The following ATG2B variants were observed in gnomAD, a reference collection of about 807,000 sequenced individuals.
The protein encoded by ATG2B is autophagy-related protein 2 homolog B.
A neutral mutation model predicts 241.3 loss-of-function variants in ATG2B; 121 were observed. The ratio of observed to expected loss-of-function variants is 0.50; its 90% confidence interval spans 0.43 to 0.58. ATG2B has a LOEUF of 0.58. Ranked by LOEUF, ATG2B falls within the 20% of genes least tolerant of loss-of-function variation. The pLI, the probability that ATG2B is intolerant of heterozygous loss-of-function variation, is 0.00. For synonymous variants in ATG2B, 858 were observed against 876.6 expected (o/e 0.98, Z 0.37); for missense variants, 2,306 against 2,491.6 (o/e 0.93, Z 1.59).
At chr14:96,306,619 G>A in intron 30 of ATG2B, 95 bp downstream of exon 30, 2 of 1,039,650 alleles carry the variant, frequency 1.9e-6, no homozygotes. Context: ...GAACTATAAA[G>A]AATTTACAAA....
rs1566720371 is a variant in ATG2B at position 96,309,470 on chromosome 14, A to G, written c.4286T>C (p.Val1429Ala). The change falls in exon 29 of 42, where the codon GTA becomes GCA. Residue 1429 changes from valine (V) to alanine (A), a missense_variant. Around this residue, in one of 2 missense-constraint regions of ATG2B, gnomAD observed 1,927 missense variants for 2,011.2 expected, o/e 0.96. Transcript: ENST00000359933. ...EIDMQQGTSS[V>A]KPQANGVLDE... The stretch of plus-strand genomic sequence containing the variant: ...GGTCTTACCATTAGCCTGTGGTTTT[A>G]CTGACGAGGTGCCTTGTTGCATGTC... The G allele has an allele frequency of 3.7e-6, 6 of 1,613,940 alleles. No homozygotes were observed. Among genetic ancestry groups the G allele is most frequent in the Non-Finnish European group, 5.1e-6 (6 of 1,179,892 alleles).
chr14:96,309,408 C>A (rs536349099), intron 29 of ATG2B, 45 bp downstream of exon 29: 2 of 1,550,374 alleles, frequency 1.3e-6, no homozygotes, highest in African/African-American at 2.7e-5. Context: ...TAAAGTAAGC[C>A]CCAACATTAA....
chr14:96,329,696 G>C (rs1887681962), intron 11 of ATG2B, 62 bp from the exon 12 acceptor site: 7 of 1,101,698 alleles, frequency 6.4e-6, no homozygotes, highest in Non-Finnish European at 7.9e-6. Flanking sequence ...TATCCACCTA[G>C]TCTGACAAGT....
At position 96,331,399 on chromosome 14, in the gene ATG2B, T is replaced by C. The variant is rs756885910; in HGVS notation, c.1707A>G (p.Glu569=). The part of the protein sequence containing the change: ...DFKSFRAVFA[E]ACSHDHLRFI... ...ACCTAAGGTGATCGTGTGAGCAAGC[T>C]TCTGCAAACACTGCTCGGAAAGACT... The change falls in exon 11 of 42, where the codon GAA becomes GAG. Residue 569 remains glutamate, a synonymous_variant. Coordinates refer to ENST00000359933, the MANE Select transcript of ATG2B (RefSeq NM_018036.7). The C allele has an allele frequency of 1.9e-6, 3 of 1,613,776 alleles. No individual in the cohort carries two copies. The South Asian group carries it at 3.3e-5, about 18-fold the overall frequency.
Position 96,323,994 on chromosome 14 carries a change from C to T in ATG2B, c.2442G>A (p.Ser814=), listed in dbSNP as rs373990443. 2.5e-5 allele frequency: 39 copies of T among 1,571,770 alleles called. No homozygotes were observed. The African/African-American group carries it at 3.0e-4, about 12-fold the overall frequency. Residue 814 remains serine, a synonymous_variant, in exon 16 of 42, where the codon TCG becomes TCA. Transcript: ENST00000359933. ...LELTFRELIG[S]FQEEKGDPSI... ...ATGGATCTCCTTTCTCTTCCTGGAA[C>T]GATCCTAAAAAAAAAGACTGATTTA... is the stretch of plus-strand genomic sequence containing the variant.
Position 96,341,532 on chromosome 14 carries a change from G to A in ATG2B, c.914C>T (p.Pro305Leu), listed in dbSNP as rs1408753447. ...SLTLKQNEVL[P>L]GAKLDVDGQI... Reference sequence around the variant, plus strand: ...GAAACAAACACTGACCTTAGCTCCAGGAAGCACTTCATTCTGTTTCAACGT... The same window carrying A: ...GAAACAAACACTGACCTTAGCTCCAAGAAGCACTTCATTCTGTTTCAACGT... Residue 305 changes from proline (P) to leucine (L), a missense_variant, in exon 6 of 42, where the codon CCT becomes CTT. Physicochemically the swap from Pro to Leu is moderately conservative, Grantham distance 98. This residue lies in a region of ATG2B where 1,927 missense variants were observed against 2,011.2 expected (regional missense o/e 0.96). Coordinates refer to ENST00000359933, the MANE Select transcript of ATG2B (RefSeq NM_018036.7). 2 of 1,583,010 alleles carry A rather than the reference G, an allele frequency of 1.3e-6. No homozygotes were observed. The highest frequency in any genetic ancestry group is 8.6e-7 in the Non-Finnish European group (1 of 1,164,738).
chr14:96,356,589 G>T (rs1367601727), intron 1 of ATG2B, among the ~76,000 whole-genome samples: 2 of 152,050 alleles, frequency 1.3e-5, no homozygotes, highest in Non-Finnish European at 2.9e-5. Context: ...ATGCAGTCAA[G>T]GATCACATGT....
rs745805171 is a variant in ATG2B, at chr14:96,328,724, G to A, written c.1924C>T (p.Pro642Ser). ...HSKEETGSHSPVCLQLHYKHS... is the reference protein window; with the variant it reads ...HSKEETGSHSSVCLQLHYKHS... Reference sequence around the variant, plus strand: ...TTATAATGAAGCTGAAGACACACAGGGGAATGGGAACCAGTTTCTTCTTTG... The same window carrying A: ...TTATAATGAAGCTGAAGACACACAGAGGAATGGGAACCAGTTTCTTCTTTG... Residue 642 changes from proline to serine, a missense_variant, in exon 13 of 42, where the codon CCT becomes TCT. By Grantham distance (74) the Pro-to-Ser change is moderately conservative. Transcript: ENST00000359933. 4 of 1,612,076 alleles carry A rather than the reference G, an allele frequency of 2.5e-6. No homozygotes were observed. The highest frequency in any genetic ancestry group is 2.7e-5 in the African/African-American group (2 of 74,800).
chr14:96,335,453 T>A (rs1887845154), intron 6 of ATG2B, among the ~76,000 whole-genome samples: 2 of 152,202 alleles, frequency 1.3e-5, no homozygotes, highest in Non-Finnish European at 2.9e-5. Context: ...ATTATCACTT[T>A]TATTTTTAGC....
chr14:96,316,607 A>T lies in ATG2B; in HGVS notation c.3287T>A (p.Val1096Glu). ...LEFNSGSLFC[V>E]TKYEGFDDKH... ...GTCATCAAAACCTTCATATTTTGTCACACAAAATAATGAACCACTATTGAA... is the reference window on the plus strand; with the variant it reads ...GTCATCAAAACCTTCATATTTTGTCTCACAAAATAATGAACCACTATTGAA... The change falls in exon 21 of 42, where the codon GTG (valine) becomes GAG (glutamate). Residue 1096 changes from valine (V) to glutamate (E), a missense_variant. Physicochemically the swap from Val to Glu is moderately radical, Grantham distance 121. Around this residue, in one of 2 missense-constraint regions of ATG2B, gnomAD observed 1,927 missense variants for 2,011.2 expected, o/e 0.96. Transcript: ENST00000359933. 1 of 1,612,932 alleles carries T rather than the reference A, an allele frequency of 6.2e-7. No homozygotes were observed. Among genetic ancestry groups the T allele is most frequent in the Non-Finnish European group, 8.5e-7 (1 of 1,179,134 alleles).
intron 1 of ATG2B, among the ~76,000 whole-genome samples, chr14:96,351,068 GA>G (rs1335052947): frequency 1.3e-5 from 2 of 152,132 alleles, no homozygotes; most frequent in Non-Finnish European, 2.9e-5. Flanking sequence ...TTTTTGGCAT[GA>G]CACTCAGAAA....
chr14:96,291,241 T>C (rs1359260998), intron 38 of ATG2B, among the ~76,000 whole-genome samples: 1 of 152,224 alleles, frequency 6.6e-6, no homozygotes, highest in Non-Finnish European at 1.5e-5. Flanking sequence ...TTTCCAATGT[T>C]CTTATTTCTT....
At chr14:96,345,097 T>C in intron 3 of ATG2B, 136 bp downstream of exon 3, 1 of 644,772 alleles carries the variant, frequency 1.6e-6, no homozygotes, top group Admixed American at 3.5e-5. Flanking sequence ...ACCTCAATTC[T>C]AAAGTTCTGA....
At chr14:96,341,470 A>G in intron 6 of ATG2B, 52 bp downstream of exon 6, 2 of 1,400,594 alleles carry the variant, frequency 1.4e-6, no homozygotes, top group Non-Finnish European at 1.9e-6. Flanking sequence ...AGAATAAAGA[A>G]TACTTGTACT....
intron 34 of ATG2B, 31 bp from the exon 35 acceptor site, chr14:96,295,591 G>T: frequency 7.0e-7 from 1 of 1,418,974 alleles, no homozygotes; most frequent in South Asian, 1.2e-5. Context: ...TTTAACTAAG[G>T]AAGAAAAGAA....
Position 96,345,255 on chromosome 14 carries a change from C to A in ATG2B, c.456G>T (p.Lys152Asn), listed in dbSNP as rs1399048740. ...AACCTGTTTCAATGGTTTCAGCAAA[C>A]TTTTCAAGTCCTTCAAAAGGCTGGG... ...EGSQPFEGLE[K>N]FAETIETVLR... is the part of the protein sequence containing the mutation. The change falls in exon 3 of 42, where the codon AAG becomes AAT. Residue 152 changes from lysine to asparagine, a missense_variant. Lys to Asn is a moderately conservative substitution (Grantham distance 94). Transcript: ENST00000359933. The A allele has an allele frequency of 3.1e-6, 5 of 1,611,084 alleles. No individual in the cohort carries two copies. The highest frequency in any genetic ancestry group is 2.5e-6 in the Non-Finnish European group (3 of 1,179,036).
At chr14:96,359,515 A>G (rs1411326120) in intron 1 of ATG2B, among the ~76,000 whole-genome samples, 10 of 152,238 alleles carry the variant, frequency 6.6e-5, no homozygotes, top group African/African-American at 2.4e-4. Context: ...CTAAGAGCTC[A>G]ATAAATGTAC....
At position 96,311,605 on chromosome 14, in the gene ATG2B, C is replaced by T. The variant is rs779867911; in HGVS notation, c.3927G>A (p.Val1309=). 1 of 1,607,720 alleles carries T rather than the reference C, an allele frequency of 6.2e-7. No individual in the cohort carries two copies. Among genetic ancestry groups the T allele is most frequent in the Non-Finnish European group, 8.5e-7 (1 of 1,175,798 alleles). Residue 1309 remains valine, a synonymous_variant, in exon 27 of 42, where the codon GTG becomes GTA. Transcript: ENST00000359933. ...TINLSRDYVR[V]MDMGLLELTI... is the part of the protein sequence containing the mutation. ...TTAACTCCAAAAGCCCCATATCCAT[C>T]ACACGAACATAATCTAAAATTTTTA...
At chr14:96,348,043 C>A (rs1888215870) in intron 1 of ATG2B, among the ~76,000 whole-genome samples, 1 of 152,226 alleles carries the variant, frequency 6.6e-6, no homozygotes, top group African/African-American at 2.4e-5. Flanking sequence ...CCCATGTTTA[C>A]TGCAGCAATA....
Sources: gnomAD v4.1 joint callset for allele counts (sites outside exome capture counted in the v4.1 genomes callset) on GRCh38, gnomAD v4.1.1 for gene constraint, gnomAD v4.1.1 regional missense constraint, MANE v1.5 for transcripts, NCBI Gene and HGNC (gene_info 2026-07-23, HGNC 2026-07-21) for gene names.